USP8: variants seen among roughly 807,000 people sequenced by gnomAD.
USP8 encodes ubiquitin carboxyl-terminal hydrolase 8.
USP8 carries 27 observed loss-of-function variants against 130.0 expected under a neutral mutation model. The observed-to-expected ratio is 0.21, with a 90% CI of 0.15 to 0.29. The LOEUF is 0.29. USP8 is among the 10% of genes least tolerant of loss of function. The pLI is 1.00. For synonymous variants in USP8, 392 were observed against 444.1 expected, an observed-to-expected ratio of 0.88 and a Z score of 1.48; for missense variants, 1,029 against 1,312.2, an observed-to-expected ratio of 0.78 and a Z score of 3.33.
chr15:50,447,194 A>T (rs1316375553), intron 3 of USP8, among the ~76,000 whole-genome samples: 1 of 152,170 alleles, frequency 6.6e-6, no homozygotes, highest in Non-Finnish European at 1.5e-5. Flanking sequence ...TCCAGGTTGT[A>T]TTGTGCTACT....
At chr15:50,459,312 G>A (rs1170157429) in intron 5 of USP8, 150 bp downstream of exon 5, 14 of 1,162,866 alleles carry the variant, frequency 1.2e-5, no homozygotes, top group East Asian at 8.5e-5. Context: ...GGCTGGGCAC[G>A]GTGGCTCACG....
chr15:50,491,461 G>T (rs2052161658), intron 14 of USP8, among the ~76,000 whole-genome samples: 1 of 152,068 alleles, frequency 6.6e-6, no homozygotes, highest in South Asian at 2.1e-4. Flanking sequence ...ATTTCTTCTT[G>T]AATCATTCTT....
At chr15:50,481,340 C>A in intron 10 of USP8, 141 bp from the exon 11 acceptor site, 1 of 551,676 alleles carries the variant, frequency 1.8e-6, no homozygotes. Context: ...GAAATCTTGA[C>A]ACTGAGTAAT....
intron 1 of USP8, among the ~76,000 whole-genome samples, chr15:50,437,742 GA>G (rs2050131491): frequency 6.6e-6 from 1 of 152,202 alleles, no homozygotes; most frequent in South Asian, 2.1e-4. Context: ...AATTGTTGAT[GA>G]ATTAGATACC....
Position 50,441,454 on chromosome 15 carries a change from T to A in USP8, c.210T>A (p.Tyr70Ter). ...TATATATGAAATACGTGACTGTTTATAATCTTATCAAAAAAAGACCTGATT... is the reference window on the plus strand; with the variant it reads ...TATATATGAAATACGTGACTGTTTAAAATCTTATCAAAAAAAGACCTGATT... ...YVLYMKYVTV[Y>*]NLIKKRPDFK... Residue 70 changes from tyrosine (Y) to a stop codon, truncating the protein, a stop_gained, in exon 3 of 20, where the codon TAT (tyrosine) becomes TAA (stop). Coordinates refer to ENST00000307179, the MANE Select transcript of USP8 (RefSeq NM_005154.5). LOFTEE classifies it high-confidence loss of function. 6.3e-7 allele frequency: 1 copy of A among 1,584,006 alleles called. No individual in the cohort carries two copies. The highest frequency in any genetic ancestry group is 1.9e-5 in the Admixed American group (1 of 51,998).
chr15:50,453,071 A>G (rs1019475910), intron 4 of USP8, among the ~76,000 whole-genome samples: 3 of 152,208 alleles, frequency 2.0e-5, no homozygotes, highest in Non-Finnish European at 4.4e-5. Context: ...CATGCTTGCT[A>G]TTCTGTGACC....
At chr15:50,453,207 T>C (rs2050679117) in intron 4 of USP8, among the ~76,000 whole-genome samples, 1 of 152,230 alleles carries the variant, frequency 6.6e-6, no homozygotes, top group Non-Finnish European at 1.5e-5. Context: ...TGATGAAACA[T>C]CTGTTTTTGT....
At chr15:50,424,826 G>GTTTT (rs57263195) in intron 1 of USP8, among the ~76,000 whole-genome samples, 1 of 144,568 alleles carries the variant, frequency 6.9e-6, no homozygotes, top group East Asian at 2.0e-4. Context: ...CTTGCTTCCG[G>GTTTT]TTTTTTTTTT....
intron 4 of USP8, among the ~76,000 whole-genome samples, chr15:50,453,860 C>G (rs375743428): frequency 1.4e-4 from 12 of 86,962 alleles, no homozygotes; most frequent in African/African-American, 5.5e-4. Context: ...TGGGAATATT[C>G]TTTTTTTTTT....
intron 15 of USP8, chr15:50,493,312 T>C: frequency 1.9e-6 from 1 of 520,646 alleles, no homozygotes; most frequent in South Asian, 1.4e-5. Context: ...TGGTAACCTA[T>C]GAATAAGTAA....
intron 12 of USP8, among the ~76,000 whole-genome samples, chr15:50,487,433 G>A (rs2052006686): frequency 6.6e-6 from 1 of 152,126 alleles, no homozygotes; most frequent in East Asian, 1.9e-4. Flanking sequence ...TCCTTTTAAA[G>A]AGAAAGAGTA....
chr15:50,470,395 A>G (rs545177974), intron 7 of USP8, among the ~76,000 whole-genome samples: 16 of 152,264 alleles, frequency 1.1e-4, no homozygotes, highest in African/African-American at 3.8e-4. Flanking sequence ...TTGAAGAAAT[A>G]AGGGAAATGA....
At position 50,476,841 on chromosome 15, in the gene USP8, AT is replaced by A. The variant is rs2051583190; in HGVS notation, c.850-5del. On this transcript the variant is annotated splice_region_variant and splice_polypyrimidine_tract_variant and intron_variant, in intron 8 of 19. Transcript: ENST00000307179. ...GCCCTATTTAAAATATGATTTCCTT[AT>A]TTATAGTGGGAAAGTAAAACTGTCC... 6.5e-7 allele frequency: 1 copy of A among 1,544,100 alleles called. No individual in the cohort carries two copies. Among genetic ancestry groups the A allele is most frequent in the Admixed American group, 2.5e-5 (1 of 40,428 alleles).
At chr15:50,497,064 T>C in intron 17 of USP8, 25 bp from the exon 18 acceptor site, 1 of 1,585,046 alleles carries the variant, frequency 6.3e-7, no homozygotes, top group South Asian at 1.2e-5. Flanking sequence ...TTAACGAGTA[T>C]CTGCTACTTG....
chr15:50,440,116 G>A (rs2050207144), intron 2 of USP8, among the ~76,000 whole-genome samples: 1 of 152,134 alleles, frequency 6.6e-6, no homozygotes, highest in Non-Finnish European at 1.5e-5. Context: ...AGGGCAGAAA[G>A]TAAGAGAGGG....
rs1319895233 is a variant in USP8 at position 50,470,853 on chromosome 15, C to T, written c.687-780C>T. 2.0e-5 allele frequency among the ~76,000 whole-genome samples: 3 copies of T among 152,174 alleles called. No individual in the cohort carries two copies. In the East Asian group the frequency reaches 5.8e-4, roughly 29 times the overall value. ...CCTCAGGTGATCCACCCGCCTCAGC[C>T]TCCCAAAGTGCTGGGATTACAGGCA... On this transcript the variant is annotated intron_variant, in intron 7 of 19. Transcript: ENST00000307179.
At chr15:50,426,116 C>T (rs959394849) in intron 1 of USP8, among the ~76,000 whole-genome samples, 11 of 151,870 alleles carry the variant, frequency 7.2e-5, no homozygotes, top group Non-Finnish European at 1.0e-4. Flanking sequence ...AGCAAAACTC[C>T]GTCTCAAAAA....
chr15:50,428,211 G>T (rs2049808707), intron 1 of USP8, among the ~76,000 whole-genome samples: 1 of 152,038 alleles, frequency 6.6e-6, no homozygotes, highest in South Asian at 2.1e-4. Context: ...CCGTCTGATG[G>T]GTTCAAGCAA....
intron 1 of USP8, among the ~76,000 whole-genome samples, chr15:50,438,158 T>C (rs2050144116): frequency 6.6e-6 from 1 of 152,214 alleles, no homozygotes; most frequent in Non-Finnish European, 1.5e-5. Context: ...CTTTTGGAAT[T>C]TTCATAGGTG....
Sources: gnomAD v4.1 joint callset for allele counts (sites outside exome capture counted in the v4.1 genomes callset) on GRCh38, gnomAD v4.1.1 for gene constraint, MANE v1.5 for transcripts, NCBI Gene and HGNC (gene_info 2026-07-23, HGNC 2026-07-21) for gene names.